The following NR1D2 variants were observed in gnomAD, a reference collection of about 807,000 sequenced individuals.
The protein encoded by NR1D2 is nuclear receptor subfamily 1 group D member 2.
A neutral mutation model predicts 52.2 loss-of-function variants in NR1D2; 25 were observed. That is an observed-to-expected ratio of 0.48 (90% CI 0.35 to 0.67). NR1D2 has a LOEUF of 0.67. Among genes scored for constraint, NR1D2 ranks in the 30% least tolerant of loss-of-function variants. NR1D2 has a pLI of 0.01. For missense variants in NR1D2, 681 were observed against 707.2 expected, an observed-to-expected ratio of 0.96 and a Z score of 0.42; for synonymous variants, 259 against 230.1, an observed-to-expected ratio of 1.13 and a Z score of -1.14.
In NR1D2 at chr3:23,946,371, G is replaced by C; in HGVS notation, c.16+777G>C. 3 of 882,574 alleles carry C rather than the reference G, an allele frequency of 3.4e-6. No individual in the cohort carries two copies. The African/African-American group carries it at 5.4e-5, about 16-fold the overall frequency. 54.7% of individuals were successfully genotyped at this position (882,574 alleles called of 1,614,324 possible). On this transcript the variant is annotated intron_variant, in intron 1 of 7. Transcript: ENST00000312521. ...GCAGGACGAGGGCGTGCTGCAGGCC[G>C]GAGGAGGCGCCTCGGGGAAGGCGTG...
chr3:23,959,763 A>T lies in NR1D2; in HGVS notation c.465A>T (p.Arg155Ser). Reference sequence around the variant, plus strand: ...CTATAATGAGAATGAATAGGAACAGATGTCAGCAATGTCGCTTCAAAAAGT... The same window carrying T: ...CTATAATGAGAATGAATAGGAACAGTTGTCAGCAATGTCGCTTCAAAAAGT... ...NCSIMRMNRN[R>S]CQQCRFKKCL... The change falls in exon 4 of 8, where the codon AGA becomes AGT. Residue 155 changes from arginine to serine, a missense_variant. Arg to Ser is a moderately radical substitution (Grantham distance 110, BLOSUM62 -1). Coordinates refer to ENST00000312521, the MANE Select transcript of NR1D2 (RefSeq NM_005126.5). The T allele has an allele frequency of 6.2e-7, 1 of 1,613,970 alleles. No individual in the cohort carries two copies. The highest frequency in any genetic ancestry group is 8.5e-7 in the Non-Finnish European group (1 of 1,179,928).
chr3:23,971,664 A>G (rs1706594241), intron 7 of NR1D2, among the ~76,000 whole-genome samples: 1 of 150,924 alleles, frequency 6.6e-6, no homozygotes, highest in South Asian at 2.1e-4. Flanking sequence ...AATTTACTTT[A>G]ATGGTTTTGT....
chr3:23,973,977 C>T (rs1452558802), intron 7 of NR1D2, among the ~76,000 whole-genome samples: 3 of 151,396 alleles, frequency 2.0e-5, no homozygotes, highest in Admixed American at 2.0e-4. Flanking sequence ...TCTTCAGGAG[C>T]AGTAACATGC....
intron 7 of NR1D2, 128 bp from the exon 8 acceptor site, chr3:23,977,095 C>T (rs755714243): frequency 9.3e-5 from 44 of 470,740 alleles, no homozygotes; most frequent in Non-Finnish European, 1.4e-4. Context: ...TCAACTTTTG[C>T]CTTTATTCAG....
chr3:23,962,141 C>A lies in NR1D2; in HGVS notation c.682C>A (p.Arg228=), dbSNP rs1706265370. The change falls in exon 5 of 8, where the codon CGA becomes AGA. Residue 228 remains arginine, a synonymous_variant. Transcript: ENST00000312521. ...QTALPAQEQL[R]PKPQLEQENI... ...AGCCTTGCCAGCCCAGGAACAGCTGCGACCCAAGCCCCAACTGGAGCAAGA... is the reference window on the plus strand; with the variant it reads ...AGCCTTGCCAGCCCAGGAACAGCTGAGACCCAAGCCCCAACTGGAGCAAGA... 6.2e-7 allele frequency: 1 copy of A among 1,614,130 alleles called. No homozygotes were observed. The highest frequency in any genetic ancestry group is 8.5e-7 in the Non-Finnish European group (1 of 1,180,010).
At position 23,954,706 on chromosome 3, in the gene NR1D2, T is replaced by C. The variant is rs754367426; in HGVS notation, c.186T>C (p.Asn62=). ...ATCCCAAGAATGGTGATCTCGCCAA[T>C]ATTGAAGGCATCTTGAAGAATGATC... ...NGNPKNGDLA[N]IEGILKNDRI... The change falls in exon 2 of 8, where the codon AAT becomes AAC. Residue 62 remains asparagine (N), a synonymous_variant. Transcript: ENST00000312521. The C allele has an allele frequency of 1.2e-6, 2 of 1,614,116 alleles. No individual in the cohort carries two copies. The highest frequency in any genetic ancestry group is 2.2e-5 in the South Asian group (2 of 91,082).
chr3:23,971,154 A>C (rs1706578001), intron 7 of NR1D2, among the ~76,000 whole-genome samples: 2 of 152,118 alleles, frequency 1.3e-5, no homozygotes, highest in Admixed American at 6.5e-5. Flanking sequence ...ACGCTACAGA[A>C]GAGTTTAAAA....
chr3:23,945,861 T>G (rs1485548249), intron 1 of NR1D2, among the ~76,000 whole-genome samples: 1 of 150,502 alleles, frequency 6.6e-6, no homozygotes, highest in Non-Finnish European at 1.5e-5. Flanking sequence ...GCGAGCCACG[T>G]GCGCGCTGTG....
chr3:23,959,074 C>T (rs1331850748), intron 3 of NR1D2, among the ~76,000 whole-genome samples: 1 of 152,128 alleles, frequency 6.6e-6, no homozygotes, highest in Non-Finnish European at 1.5e-5. Context: ...TCAAGACCAG[C>T]CTAGGCAACA....
In NR1D2 at chr3:23,945,492, C is replaced by T. The variant is rs7644275; in HGVS notation, c.-87C>T. 2 of 850,268 alleles carry T rather than the reference C, an allele frequency of 2.4e-6. No individual in the cohort carries two copies. Among genetic ancestry groups the T allele is most frequent in the Non-Finnish European group, 2.9e-6 (2 of 683,338 alleles). The allele number at this position is 850,268 out of a possible 1,614,324, so 52.7% of individuals were successfully genotyped here. ...CCCCGCGACCACCGCTGCTTCCAGC[C>T]CGGGGCGGCGCGGCGCTGAGGCGGC... On this transcript the variant is annotated 5_prime_UTR_variant, in exon 1 of 8. Transcript: ENST00000312521.
chr3:23,954,863 T>C, intron 2 of NR1D2, 60 bp downstream of exon 2: 3 of 1,525,044 alleles, frequency 2.0e-6, no homozygotes, highest in South Asian at 1.2e-5. Flanking sequence ...GCTTATTTTA[T>C]CAGCTTTTCA....
rs1356239389 is a variant in NR1D2 at position 23,980,389 on chromosome 3, A to G, written c.*2970A>G. ...GTTAGGAAACTGTTACCTATAAACAAAGATTGACTGGATTCGATCCAAAAG... is the reference window on the plus strand; with the variant it reads ...GTTAGGAAACTGTTACCTATAAACAGAGATTGACTGGATTCGATCCAAAAG... On this transcript the variant is annotated 3_prime_UTR_variant, in exon 8 of 8. Transcript: ENST00000312521. The G allele has an allele frequency of 6.6e-6, 1 of 151,936 alleles. No homozygotes were observed. The highest frequency in any genetic ancestry group is 1.5e-5 in the Non-Finnish European group (1 of 67,960). 9.4% of individuals were successfully genotyped at this position (151,936 alleles called of 1,614,324 possible). A position where few individuals can be genotyped will look rare whatever the true frequency, so the allele number is the denominator to read the frequency against.
chr3:23,965,190 T>C (rs539246291), intron 6 of NR1D2, 28 bp downstream of exon 6: 120 of 1,473,858 alleles, frequency 8.1e-5, no homozygotes, highest in Admixed American at 5.0e-4. Context: ...TGAATATTGA[T>C]GCAGGCAGGG....
rs1439582674 is a variant in NR1D2, at chr3:23,959,681, G to A, written c.383G>A (p.Arg128Gln). The A allele has an allele frequency of 6.2e-7, 1 of 1,608,532 alleles. No homozygotes were observed. The highest frequency in any genetic ancestry group is 8.5e-7 in the Non-Finnish European group (1 of 1,178,412). The change falls in exon 4 of 8, where the codon CGG becomes CAG. Residue 128 changes from arginine to glutamine, a missense_variant. Physicochemically the swap from Arg to Gln is conservative, Grantham distance 43. Transcript: ENST00000312521. Reference protein sequence around the residue: ...HACEGCKGFFRRSIQQNIQYK... With the variant: ...HACEGCKGFFQRSIQQNIQYK... Reference sequence around the variant, plus strand: ...TTCCTTTGTTCTTAGGGTTTCTTTCGGAGAAGTATTCAACAAAACATCCAG... The same window carrying A: ...TTCCTTTGTTCTTAGGGTTTCTTTCAGAGAAGTATTCAACAAAACATCCAG...
rs1056628911 is a variant in NR1D2, at chr3:23,977,726, T to G, written c.*307T>G. 4.5e-5 allele frequency: 9 copies of G among 199,898 alleles called. No individual in the cohort carries two copies. Among genetic ancestry groups the G allele is most frequent in the Non-Finnish European group, 9.0e-5 (9 of 99,562 alleles). The allele number at this position is 199,898 out of a possible 1,614,324, so 12.4% of individuals were successfully genotyped here. On this transcript the variant is annotated 3_prime_UTR_variant, in exon 8 of 8. Transcript: ENST00000312521. ...GCCAAAACCAAAAACCATTTTGATC[T>G]CCCTGTGGTTATCAATATAACGCAC...
At chr3:23,971,710 T>C (rs1243148684) in intron 7 of NR1D2, among the ~76,000 whole-genome samples, 2 of 113,318 alleles carry the variant, frequency 1.8e-5, no homozygotes, top group East Asian at 2.3e-4. Context: ...TTTGACCTTA[T>C]ACATAATGTC....
intron 4 of NR1D2, 81 bp from the exon 5 acceptor site, chr3:23,961,896 G>T: frequency 1.5e-6 from 2 of 1,323,178 alleles, no homozygotes; most frequent in East Asian, 2.3e-5. Flanking sequence ...GGCCATAACT[G>T]TTGGATAATT....
chr3:23,960,577 C>A (rs141282734), intron 4 of NR1D2, among the ~76,000 whole-genome samples: 2,188 of 152,250 alleles, frequency 0.014, 60 homozygotes, highest in African/African-American at 0.051. Flanking sequence ...AGTGATCCAC[C>A]TGCCTCGGCC....
chr3:23,945,623 A>G lies in NR1D2; in HGVS notation c.16+29A>G, dbSNP rs753771368. 9.6e-6 allele frequency: 10 copies of G among 1,040,872 alleles called. No homozygotes were observed. The East Asian group carries it at 4.8e-4, about 50-fold the overall frequency. 64.5% of individuals were successfully genotyped at this position (1,040,872 alleles called of 1,614,324 possible). ...AGAACCGGACTGCGGCGGGTGGGGG[A>G]TGGCCGGAGGGAGCGCTCAGAGCCC... On this transcript the variant is annotated intron_variant, in intron 1 of 7. Transcript: ENST00000312521.
Sources: gnomAD v4.1 joint callset for allele counts (sites outside exome capture counted in the v4.1 genomes callset) on GRCh38, gnomAD v4.1.1 for gene constraint, MANE v1.5 for transcripts, NCBI Gene and HGNC (gene_info 2026-07-23, HGNC 2026-07-21) for gene names.